BCL2: variants seen among roughly 807,000 people sequenced by gnomAD.
BCL2 encodes BCL2 apoptosis regulator, also known as apoptosis regulator Bcl-2.
BCL2 carries 1 observed loss-of-function variant against 14.2 expected under a neutral mutation model. The ratio of observed to expected loss-of-function variants is 0.07; its 90% CI spans 0.02 to 0.33. The LOEUF (loss-of-function observed/expected upper bound fraction) is 0.33, where lower values mean the gene tolerates loss of function less well. Ranked by LOEUF, BCL2 falls within the 10% of genes least tolerant of loss-of-function variation. The pLI is 0.99. For missense variants in BCL2, 247 were observed against 305.9 expected (o/e 0.81, Z 1.44); for synonymous variants, 151 against 137.2 (o/e 1.10, Z -0.70).
At chr18:63,296,998 T>G (rs1007567539) in intron 2 of BCL2, among the ~76,000 whole-genome samples, 4 of 151,698 alleles carry the variant, frequency 2.6e-5, no homozygotes, top group Non-Finnish European at 2.9e-5. Context: ...GGACCACGAG[T>G]TCAGGAGATT....
chr18:63,281,204 T>C (rs1462166477), intron 2 of BCL2, among the ~76,000 whole-genome samples: 2 of 152,152 alleles, frequency 1.3e-5, no homozygotes, highest in African/African-American at 4.8e-5. Flanking sequence ...GAACAGATCC[T>C]GAGTTTCTGT....
intron 2 of BCL2, among the ~76,000 whole-genome samples, chr18:63,212,234 GAC>G (rs1156443950): frequency 6.6e-6 from 1 of 151,446 alleles, no homozygotes; most frequent in Non-Finnish European, 1.5e-5. Context: ...GCTGAGGCGA[GAC>G]AGAATTGCTT....
intron 2 of BCL2, among the ~76,000 whole-genome samples, chr18:63,209,818 G>A (rs944507558): frequency 2.0e-5 from 3 of 152,300 alleles, no homozygotes; most frequent in African/African-American, 7.2e-5. Context: ...AAGCTGGCAT[G>A]TTGGACAGAG....
intron 2 of BCL2, among the ~76,000 whole-genome samples, chr18:63,220,644 G>T (rs1317349420): frequency 6.6e-6 from 1 of 152,116 alleles, no homozygotes; most frequent in Non-Finnish European, 1.5e-5. Context: ...GGGAGATGAA[G>T]CACATACATA....
intron 2 of BCL2, among the ~76,000 whole-genome samples, chr18:63,133,243 T>A (rs867292418): frequency 4.0e-5 from 6 of 150,510 alleles, no homozygotes; most frequent in Middle Eastern, 3.5e-3. Flanking sequence ...TCCTCACCCC[T>A]CCGGGCCATG....
rs1441603213 is a variant in BCL2 at position 63,318,600 on chromosome 18, G to T, written c.67C>A (p.Leu23Met). The T allele has an allele frequency of 6.2e-7, 1 of 1,612,296 alleles. No individual in the cohort carries two copies. The highest frequency in any genetic ancestry group is 1.7e-5 in the Admixed American group (1 of 59,926). The change falls in exon 2 of 3, where the codon CTG becomes ATG. Residue 23 changes from leucine to methionine, a missense_variant. This residue lies in a region of BCL2 where 144 missense variants were observed against 135.3 expected (regional missense o/e 1.06). Transcript: ENST00000333681. The surrounding 1 kb of genome is among the most constrained non-coding windows in gnomAD (Gnocchi z 7.4). ...EIVMKYIHYK[L>M]SQRGYEWDAG... is the part of the protein sequence containing the mutation. ...TCCCACTCGTAGCCCCTCTGCGACAGCTTATAATGGATGTACTTCATCACT... is the reference window on the plus strand; with the variant it reads ...TCCCACTCGTAGCCCCTCTGCGACATCTTATAATGGATGTACTTCATCACT...
chr18:63,249,364 A>G (rs1911240290), intron 2 of BCL2, among the ~76,000 whole-genome samples: 1 of 152,234 alleles, frequency 6.6e-6, no homozygotes, highest in African/African-American at 2.4e-5. Flanking sequence ...ATAGTATCAT[A>G]GCATCACAGA....
chr18:63,296,725 G>C (rs1338634401), intron 2 of BCL2, among the ~76,000 whole-genome samples: 1 of 152,194 alleles, frequency 6.6e-6, no homozygotes, highest in Non-Finnish European at 1.5e-5. Context: ...CAGCTCAGCA[G>C]ACTGACAATG....
chr18:63,183,942 G>A (rs1915534633), intron 2 of BCL2, among the ~76,000 whole-genome samples: 1 of 152,322 alleles, frequency 6.6e-6, no homozygotes, highest in South Asian at 2.1e-4. Context: ...TGCTGTGGAA[G>A]GAGCCTGCAT....
intron 2 of BCL2, among the ~76,000 whole-genome samples, chr18:63,194,822 G>A (rs943395488): frequency 6.6e-6 from 1 of 152,194 alleles, no homozygotes; most frequent in African/African-American, 2.4e-5. Context: ...TGGATCAGCA[G>A]TAGGTCAGTG....
chr18:63,174,221 G>T (rs1377303672), intron 2 of BCL2, among the ~76,000 whole-genome samples: 2 of 152,162 alleles, frequency 1.3e-5, no homozygotes, highest in African/African-American at 4.8e-5. Context: ...AATAAACAAA[G>T]ATTACCTACT....
At chr18:63,246,325 G>C (rs1297154263) in intron 2 of BCL2, among the ~76,000 whole-genome samples, 1 of 152,170 alleles carries the variant, frequency 6.6e-6, no homozygotes, top group Non-Finnish European at 1.5e-5. Context: ...AACAGGTCCT[G>C]TGAAACTCAT....
intron 2 of BCL2, among the ~76,000 whole-genome samples, chr18:63,280,636 C>A (rs1912284011): frequency 6.6e-6 from 1 of 152,124 alleles, no homozygotes; most frequent in Admixed American, 6.5e-5. Context: ...AATAAGTTAA[C>A]CACTTCACAC....
At chr18:63,160,947 G>T (rs1814969839) in intron 2 of BCL2, among the ~76,000 whole-genome samples, 1 of 152,118 alleles carries the variant, frequency 6.6e-6, no homozygotes, top group Non-Finnish European at 1.5e-5. Context: ...CTCATAAAAG[G>T]TTGCAGTATT....
intron 2 of BCL2, among the ~76,000 whole-genome samples, chr18:63,253,659 T>G (rs1303707615): frequency 3.9e-5 from 6 of 152,328 alleles, no homozygotes; most frequent in African/African-American, 1.4e-4. Flanking sequence ...ATTATTTCTT[T>G]TACAGTCTAC....
At chr18:63,161,380 G>A (rs1914916573) in intron 2 of BCL2, among the ~76,000 whole-genome samples, 2 of 152,174 alleles carry the variant, frequency 1.3e-5, no homozygotes, top group South Asian at 4.1e-4. Context: ...CTCTGTCACT[G>A]ATGCTTTCTT....
At chr18:63,167,907 C>A (rs540855881) in intron 2 of BCL2, among the ~76,000 whole-genome samples, 1 of 148,632 alleles carries the variant, frequency 6.7e-6, no homozygotes, top group Non-Finnish European at 1.5e-5. Flanking sequence ...GCCTGGGTGA[C>A]AGAGTGAGAC....
chr18:63,261,706 T>C, intron 2 of BCL2, among the ~76,000 whole-genome samples: 1 of 152,190 alleles, frequency 6.6e-6, no homozygotes, highest in East Asian at 1.9e-4. Context: ...TCCTATCCTG[T>C]CTTAAAAAAC....
intron 2 of BCL2, among the ~76,000 whole-genome samples, chr18:63,197,557 C>T (rs1909482553): frequency 1.3e-5 from 2 of 152,086 alleles, no homozygotes; most frequent in Admixed American, 6.6e-5. Flanking sequence ...TGTGAGGCGC[C>T]AGTCACTCCT....
Sources: gnomAD v4.1 joint callset for allele counts (sites outside exome capture counted in the v4.1 genomes callset) on GRCh38, gnomAD v4.1.1 for gene constraint, gnomAD v4.1.1 regional missense constraint, Gnocchi (gnomAD v3.1) non-coding constraint, MANE v1.5 for transcripts, NCBI Gene and HGNC (gene_info 2026-07-23, HGNC 2026-07-21) for gene names.